Variants in FAM135B observed in about 807,000 individuals in gnomAD.
FAM135B encodes the protein protein FAM135B.
A neutral mutation model predicts 127.7 loss-of-function variants in FAM135B; 43 were observed. That is an observed-to-expected ratio of 0.34 (90% CI 0.26 to 0.43). The LOEUF is 0.43. Ranked by LOEUF, FAM135B falls within the 20% of genes least tolerant of loss-of-function variation. The pLI is 1.00. For missense variants in FAM135B, 1,558 were observed against 1,725.6 expected (o/e 0.90, Z 1.72); for synonymous variants, 670 against 665.1 (o/e 1.01, Z -0.11).
intron 1 of FAM135B, among the ~76,000 whole-genome samples, chr8:138,414,170 A>G (rs16909133): frequency 0.072 from 10,445 of 145,124 alleles, 461 homozygotes; most frequent in East Asian, 0.2. Flanking sequence ...GCTCATTAGC[A>G]CTTGAGACAG....
chr8:138,148,060 A>T (rs898541389), intron 14 of FAM135B, among the ~76,000 whole-genome samples: 16 of 152,180 alleles, frequency 1.1e-4, no homozygotes, highest in Non-Finnish European at 2.4e-4. Context: ...ACATTTATTC[A>T]TTCTTCTCCA....
intron 3 of FAM135B, among the ~76,000 whole-genome samples, chr8:138,292,765 A>G (rs1182178098): frequency 6.6e-6 from 1 of 152,130 alleles, no homozygotes; most frequent in Non-Finnish European, 1.5e-5. Flanking sequence ...CATGTCATGG[A>G]TTGGAAAGCT....
At chr8:138,295,919 G>A (rs1825449225) in intron 3 of FAM135B, among the ~76,000 whole-genome samples, 1 of 152,148 alleles carries the variant, frequency 6.6e-6, no homozygotes, top group South Asian at 2.1e-4. Context: ...ACATTTGTCA[G>A]GTGTCACAGA....
At position 138,248,173 on chromosome 8, in the gene FAM135B, T is replaced by A. The variant is rs187272549; in HGVS notation, c.542+2668A>T. On this transcript the variant is annotated intron_variant, in intron 6 of 19. Coordinates refer to ENST00000395297, the MANE Select transcript of FAM135B (RefSeq NM_015912.4). ...GTATGTACCGAAACTGAAACTCACA[T>A]GCTCAAGCTAACAGAGTTAACAAGC... is the stretch of plus-strand genomic sequence containing the variant. Among the ~76,000 whole-genome samples the A allele has an allele frequency of 6.6e-5, 10 of 152,334 alleles. No homozygotes were observed. In the East Asian group the frequency reaches 1.9e-3, roughly 29 times the overall value.
chr8:138,432,648 A>T (rs947315795), intron 1 of FAM135B, among the ~76,000 whole-genome samples: 7 of 152,028 alleles, frequency 4.6e-5, no homozygotes, highest in Non-Finnish European at 1.0e-4. Flanking sequence ...CCATCTAATC[A>T]TCACTAACAG....
chr8:138,302,132 GTGT>G (rs1563875104), intron 3 of FAM135B, among the ~76,000 whole-genome samples: 1 of 28,712 alleles, frequency 3.5e-5, no homozygotes, highest in Non-Finnish European at 9.4e-5. Context: ...CATGAAGGAA[GTGT>G]TATTATTATT....
At chr8:138,379,811 T>C (rs1831728355) in intron 1 of FAM135B, among the ~76,000 whole-genome samples, 1 of 152,144 alleles carries the variant, frequency 6.6e-6, no homozygotes, top group Admixed American at 6.5e-5. Context: ...TAGACATAAC[T>C]TGAGAGCAAA....
intron 1 of FAM135B, among the ~76,000 whole-genome samples, chr8:138,414,848 G>A (rs1168063363): frequency 6.6e-6 from 1 of 152,102 alleles, no homozygotes; most frequent in African/African-American, 2.4e-5. Flanking sequence ...AACATGAAAT[G>A]ACATGGAGGA....
intron 3 of FAM135B, among the ~76,000 whole-genome samples, chr8:138,271,304 C>T (rs568473639): frequency 6.6e-6 from 1 of 152,198 alleles, no homozygotes; most frequent in East Asian, 1.9e-4. Context: ...AAACATTTTT[C>T]TTGTTTTCTA....
intron 1 of FAM135B, among the ~76,000 whole-genome samples, chr8:138,446,316 T>C (rs1219196272): frequency 2.0e-5 from 3 of 152,148 alleles, no homozygotes; most frequent in African/African-American, 7.2e-5. Flanking sequence ...TTCAAGTTCA[T>C]ATGGAACCAA....
intron 5 of FAM135B, 89 bp downstream of exon 5, chr8:138,256,600 G>T: frequency 9.4e-7 from 1 of 1,064,914 alleles, no homozygotes; most frequent in Non-Finnish European, 1.4e-6. Flanking sequence ...GACGTTCTGA[G>T]GTTCAAGGCT....
chr8:138,328,892 T>C (rs78141359), intron 2 of FAM135B, among the ~76,000 whole-genome samples: 7,294 of 152,228 alleles, frequency 0.048, 521 homozygotes, highest in African/African-American at 0.16. Context: ...ATGAGACTAT[T>C]TGATGCAAGG....
At chr8:138,385,440 G>A (rs903511460) in intron 1 of FAM135B, among the ~76,000 whole-genome samples, 4 of 152,124 alleles carry the variant, frequency 2.6e-5, no homozygotes, top group Non-Finnish European at 4.4e-5. Flanking sequence ...TTTGCCGATT[G>A]AACTAAAGGT....
intron 3 of FAM135B, among the ~76,000 whole-genome samples, chr8:138,293,036 C>T (rs557238951): frequency 1.3e-5 from 2 of 152,224 alleles, no homozygotes; most frequent in African/African-American, 4.8e-5. Flanking sequence ...CAGGATGGTA[C>T]TGCTATAAAA....
chr8:138,141,083 G>T lies in FAM135B; in HGVS notation c.3790+115C>A. The T allele has an allele frequency of 2.0e-6, 2 of 1,008,564 alleles. No homozygotes were observed. The highest frequency in any genetic ancestry group is 1.6e-5 in the African/African-American group (1 of 61,972). The allele number at this position is 1,008,564 out of a possible 1,614,324, so 62.5% of individuals were successfully genotyped here. ...GCCAGGACTCCTCCCTCCATGCCAT[G>T]CTTGGAAAAGACTGCACAGTCACAG... On this transcript the variant is annotated intron_variant, in intron 17 of 19. Transcript: ENST00000395297. This position sits in a 1 kb window ranked among gnomAD's most constrained non-coding sequence, Gnocchi z 4.7.
rs1335175102 is a variant in FAM135B, at chr8:138,265,771, G to A, written c.229C>T (p.Arg77Trp). Reference sequence around the variant, plus strand: ...TCATTTATGGGTACCTCTTCATTCCGGTATAAGATCTGAAAGACCCGGCTG... The same window carrying A: ...TCATTTATGGGTACCTCTTCATTCCAGTATAAGATCTGAAAGACCCGGCTG... ...VHSRVFQILY[R>W]NEEVPINDAV... is the part of the protein sequence containing the mutation. Residue 77 changes from arginine to tryptophan, a missense_variant, in exon 4 of 20, where the codon CGG (arginine) becomes TGG (tryptophan). By Grantham distance (101) the Arg-to-Trp change is moderately radical. This residue lies in a region of FAM135B where 199 missense variants were observed against 245.7 expected (regional missense o/e 0.81). Transcript: ENST00000395297. The A allele has an allele frequency of 1.4e-5, 22 of 1,613,890 alleles. No homozygotes were observed. The highest frequency in any genetic ancestry group is 2.2e-5 in the East Asian group (1 of 44,882).
intron 7 of FAM135B, among the ~76,000 whole-genome samples, chr8:138,231,789 T>C (rs1413014231): frequency 6.6e-6 from 1 of 152,144 alleles, no homozygotes; most frequent in Non-Finnish European, 1.5e-5. Flanking sequence ...GGAGGCATAT[T>C]AAAAATATCC....
At chr8:138,477,436 A>C (rs1814539258) in intron 1 of FAM135B, 1 of 152,138 alleles carries the variant, frequency 6.6e-6, no homozygotes, top group African/African-American at 2.4e-5. Context: ...TTTGGCTCCC[A>C]AATCACCACA....
chr8:138,348,580 A>G (rs758428191), intron 2 of FAM135B, among the ~76,000 whole-genome samples: 2 of 152,218 alleles, frequency 1.3e-5, no homozygotes, highest in African/African-American at 2.4e-5. Context: ...TAGACTCCCA[A>G]CTATATTAAC....
Sources: gnomAD v4.1 joint callset for allele counts (sites outside exome capture counted in the v4.1 genomes callset) on GRCh38, gnomAD v4.1.1 for gene constraint, gnomAD v4.1.1 regional missense constraint, Gnocchi (gnomAD v3.1) non-coding constraint, MANE v1.5 for transcripts, NCBI Gene and HGNC (gene_info 2026-07-23, HGNC 2026-07-21) for gene names.